ADAMTS18: variants seen among roughly 807,000 people sequenced by gnomAD.
The protein encoded by ADAMTS18 is A disintegrin and metalloproteinase with thrombospondin motifs 18.
A neutral mutation model predicts 165.9 loss-of-function variants in ADAMTS18; 157 were observed. The observed-to-expected ratio is 0.95, with a 90% CI of 0.83 to 1.08. ADAMTS18 has a LOEUF of 1.08. ADAMTS18 is among the 50% of genes least tolerant of loss of function. The pLI is 0.00. For synonymous variants in ADAMTS18, 782 were observed against 578.2 expected (o/e 1.35, Z -5.06); for missense variants, 2,040 against 1,534.0 (o/e 1.33, Z -5.51).
chr16:77,384,076 G>C (rs1443389496), intron 3 of ADAMTS18, among the ~76,000 whole-genome samples: 1 of 152,094 alleles, frequency 6.6e-6, no homozygotes, highest in Non-Finnish European at 1.5e-5. Context: ...CTTTGTGCCT[G>C]TTCTGCCGAC....
chr16:77,305,720 T>C (rs2055669499), intron 16 of ADAMTS18, among the ~76,000 whole-genome samples: 1 of 152,162 alleles, frequency 6.6e-6, no homozygotes, highest in Non-Finnish European at 1.5e-5. Context: ...CTTGATTATA[T>C]CTCAGCACGT....
chr16:77,364,158 A>C (rs368709010), intron 5 of ADAMTS18, 30 bp downstream of exon 5: 22 of 1,613,360 alleles, frequency 1.4e-5, no homozygotes, highest in Non-Finnish European at 1.8e-5. Context: ...TTCTTTGGAG[A>C]GCCAGAAGGT....
intron 11 of ADAMTS18, among the ~76,000 whole-genome samples, chr16:77,336,321 T>C (rs959087240): frequency 6.6e-6 from 1 of 152,172 alleles, no homozygotes; most frequent in Admixed American, 6.5e-5. Flanking sequence ...ACACAATTTA[T>C]CATTCTGAAA....
At chr16:77,365,914 G>C (rs2056786646) in intron 4 of ADAMTS18, among the ~76,000 whole-genome samples, 1 of 152,156 alleles carries the variant, frequency 6.6e-6, no homozygotes, top group Admixed American at 6.5e-5. Flanking sequence ...GGTGACACTT[G>C]TTTATAAGGT....
chr16:77,331,858 G>T (rs1458099393), intron 12 of ADAMTS18, among the ~76,000 whole-genome samples: 1 of 152,178 alleles, frequency 6.6e-6, no homozygotes, highest in Admixed American at 6.6e-5. Flanking sequence ...GATGGGCAAA[G>T]TGTCTCCAAA....
intron 3 of ADAMTS18, among the ~76,000 whole-genome samples, chr16:77,393,909 A>G (rs1390305865): frequency 6.6e-6 from 1 of 152,208 alleles, no homozygotes; most frequent in Non-Finnish European, 1.5e-5. Context: ...TGAGGAACAT[A>G]TCCATCCAGT....
Position 77,431,565 on chromosome 16 carries a change from A to C in ADAMTS18, c.225T>G (p.Tyr75Ter). 1 of 1,614,170 alleles carries C rather than the reference A, an allele frequency of 6.2e-7. No individual in the cohort carries two copies. Among genetic ancestry groups the C allele is most frequent in the Non-Finnish European group, 8.5e-7 (1 of 1,180,034 alleles). ...CGTTGTGCAAAATGTCGTGTGAAAT[A>C]TATGACCCGGCTGAGTCTACTTCTA... ...TPVEVDSAGS[Y>*]ISHDILHNGR... The change falls in exon 3 of 23, where the codon TAT (tyrosine) becomes TAG (stop). Residue 75 changes from tyrosine (Y) to a stop codon, truncating the protein, a stop_gained. Coordinates refer to ENST00000282849, the MANE Select transcript of ADAMTS18 (RefSeq NM_199355.4). LOFTEE classifies it high-confidence loss of function.
Position 77,321,035 on chromosome 16 carries a change from A to C in ADAMTS18, c.2287+44T>G, listed in dbSNP as rs183562226. 18 of 1,613,742 alleles carry C rather than the reference A, an allele frequency of 1.1e-5. No homozygotes were observed. In the African/African-American group the frequency reaches 1.9e-4, roughly 17 times the overall value. On this transcript the variant is annotated intron_variant, in intron 15 of 22. Transcript: ENST00000282849. Reference sequence around the variant, plus strand: ...CGTGACTCAAACTTGTTTGGTAGCAAAAGTTGTATCTCATTAACAATAACA... The same window carrying C: ...CGTGACTCAAACTTGTTTGGTAGCACAAGTTGTATCTCATTAACAATAACA...
At chr16:77,342,906 A>T (rs1053675253) in intron 10 of ADAMTS18, among the ~76,000 whole-genome samples, 5 of 152,052 alleles carry the variant, frequency 3.3e-5, no homozygotes, top group African/African-American at 1.2e-4. Context: ...AACCAGAGAG[A>T]TGACAGCTTG....
chr16:77,420,579 A>G (rs2057589084), intron 3 of ADAMTS18, among the ~76,000 whole-genome samples: 1 of 152,218 alleles, frequency 6.6e-6, no homozygotes, highest in Non-Finnish European at 1.5e-5. Context: ...CTAAACAGAC[A>G]TTTGTTGTTT....
intron 3 of ADAMTS18, among the ~76,000 whole-genome samples, chr16:77,403,028 T>C (rs942083966): frequency 6.6e-6 from 1 of 152,228 alleles, no homozygotes; most frequent in Non-Finnish European, 1.5e-5. Flanking sequence ...GTAGCCACTA[T>C]ATTAACCGCT....
chr16:77,416,606 T>A (rs2057533460), intron 3 of ADAMTS18, among the ~76,000 whole-genome samples: 1 of 152,206 alleles, frequency 6.6e-6, no homozygotes, highest in African/African-American at 2.4e-5. Context: ...GCCATGATTG[T>A]GAGACCTCTC....
chr16:77,321,069 C>A lies in ADAMTS18; in HGVS notation c.2287+10G>T, dbSNP rs778304503. 43 of 1,614,024 alleles carry A rather than the reference C, an allele frequency of 2.7e-5. No individual in the cohort carries two copies. The highest frequency in any genetic ancestry group is 3.5e-5 in the Non-Finnish European group (41 of 1,180,014). On this transcript the variant is annotated intron_variant, in intron 15 of 22. Coordinates refer to ENST00000282849, the MANE Select transcript of ADAMTS18 (RefSeq NM_199355.4). The stretch of plus-strand genomic sequence containing the variant: ...TCTCATTAACAATAACAAACAGCAG[C>A]ATCTCTCACCATTTGCTTTATGCTG...
intron 10 of ADAMTS18, among the ~76,000 whole-genome samples, chr16:77,349,097 T>A (rs1022147089): frequency 2.3e-4 from 35 of 152,196 alleles, no homozygotes; most frequent in African/African-American, 8.4e-4. Context: ...TCAAATAGTA[T>A]GATTCCATGC....
At chr16:77,291,780 A>T (rs1333773988) in intron 20 of ADAMTS18, among the ~76,000 whole-genome samples, 1 of 152,208 alleles carries the variant, frequency 6.6e-6, no homozygotes, top group African/African-American at 2.4e-5. Flanking sequence ...TCCAGGAGAA[A>T]GGCAAGATGG....
At chr16:77,422,666 G>A (rs1243537307) in intron 3 of ADAMTS18, among the ~76,000 whole-genome samples, 8 of 151,364 alleles carry the variant, frequency 5.3e-5, no homozygotes, top group Non-Finnish European at 1.5e-5. Context: ...GAGGGATAGA[G>A]GAAGGAAAGG....
intron 3 of ADAMTS18, among the ~76,000 whole-genome samples, chr16:77,430,208 G>C (rs1259594695): frequency 6.6e-6 from 1 of 152,184 alleles, no homozygotes; most frequent in African/African-American, 2.4e-5. Context: ...TGCACACACA[G>C]GGGCATGTAA....
chr16:77,431,651 A>C (rs775003934), intron 2 of ADAMTS18, 40 bp from the exon 3 acceptor site: 26 of 1,604,856 alleles, frequency 1.6e-5, no homozygotes, highest in Middle Eastern at 1.9e-4. Context: ...CCCAGAGCCC[A>C]CAATTCCAAA....
intron 16 of ADAMTS18, among the ~76,000 whole-genome samples, chr16:77,318,061 T>C (rs905372299): frequency 1.3e-5 from 2 of 152,144 alleles, no homozygotes; most frequent in African/African-American, 4.8e-5. Context: ...AATTAACATA[T>C]ATAAGATAGA....
Sources: allele counts gnomAD v4.1 joint callset (sites outside exome capture counted in the v4.1 genomes callset), GRCh38; gene constraint gnomAD v4.1.1; transcripts MANE v1.5; gene names NCBI Gene and HGNC (gene_info 2026-07-23, HGNC 2026-07-21).